PHF14: variants seen among roughly 807,000 people sequenced by gnomAD.
PHF14 encodes the protein PHD finger protein 14.
Under a neutral mutation model 117.9 loss-of-function variants are expected in PHF14, and 55 were observed. That is an observed-to-expected ratio of 0.47 (90% CI 0.38 to 0.58). The LOEUF is 0.58. Ranked by LOEUF, PHF14 falls within the 20% of genes least tolerant of loss-of-function variation. The probability of loss-of-function intolerance (pLI) is 0.00; values close to 1 mark genes in which losing one functional copy is unlikely to be tolerated. For synonymous variants in PHF14, 409 were observed against 368.6 expected (o/e 1.11, Z -1.26); for missense variants, 978 against 1,122.2 (o/e 0.87, Z 1.84).
In PHF14 at chr7:10,982,815, C is replaced by T; in HGVS notation, c.556C>T (p.Arg186Ter). 6.2e-7 allele frequency: 1 copy of T among 1,613,878 alleles called. No individual in the cohort carries two copies. Among genetic ancestry groups the T allele is most frequent in the Non-Finnish European group, 8.5e-7 (1 of 1,179,872 alleles). The change falls in exon 3 of 18, where the codon CGA becomes TGA. Residue 186 changes from arginine (R) to a stop codon, truncating the protein, a stop_gained. Transcript: ENST00000634607. LOFTEE classifies it high-confidence loss of function. Reference sequence around the variant, plus strand: ...CAGCGAGCCAAAAAAATGGAACCTTCGACGAAACCGACCACTTCTGGATTT... The same window carrying T: ...CAGCGAGCCAAAAAAATGGAACCTTTGACGAAACCGACCACTTCTGGATTT... ...QVSEPKKWNL[R>*]RNRPLLDFVS...
At chr7:11,034,539 A>ATTTTTTTTTTTTTT (rs56043099) in intron 7 of PHF14, among the ~76,000 whole-genome samples, 3 of 63,056 alleles carry the variant, frequency 4.8e-5, no homozygotes, top group African/African-American at 6.3e-5. Flanking sequence ...TCTTAATTCT[A>ATTTTTTTTTTTTTT]TTTTTTTTTT....
At chr7:11,106,822 T>G in intron 16 of PHF14, 9 of 984,604 alleles carry the variant, frequency 9.1e-6, no homozygotes, top group Non-Finnish European at 1.1e-5. Context: ...GATATTTAGT[T>G]TTTTTTAAGT....
intron 14 of PHF14, among the ~76,000 whole-genome samples, chr7:11,057,531 C>T (rs753853081): frequency 6.6e-6 from 1 of 152,016 alleles, no homozygotes; most frequent in Non-Finnish European, 1.5e-5. Context: ...TGCACCACCA[C>T]GTCCGGCTGA....
chr7:11,025,255 T>C (rs1357161755), intron 6 of PHF14, among the ~76,000 whole-genome samples: 1 of 152,162 alleles, frequency 6.6e-6, no homozygotes, highest in East Asian at 1.9e-4. Flanking sequence ...GTGAAGAAAG[T>C]GGTTTCTCGA....
intron 16 of PHF14, chr7:11,102,403 G>T: frequency 6.8e-7 from 1 of 1,470,972 alleles, no homozygotes; most frequent in Non-Finnish European, 9.4e-7. Context: ...ACTGTGGTTT[G>T]TTAGTATGTT....
intron 4 of PHF14, among the ~76,000 whole-genome samples, chr7:11,005,259 A>G (rs963218394): frequency 2.0e-5 from 3 of 152,334 alleles, no homozygotes; most frequent in South Asian, 4.1e-4. Flanking sequence ...AGGCTGCAAG[A>G]TGGAAATTTG....
At chr7:11,070,504 A>G (rs1785580145) in intron 16 of PHF14, among the ~76,000 whole-genome samples, 1 of 152,184 alleles carries the variant, frequency 6.6e-6, no homozygotes, top group South Asian at 2.1e-4. Flanking sequence ...AACTATTTGC[A>G]TAGGACTTTC....
At chr7:11,110,732 G>A (rs890602504) in intron 16 of PHF14, among the ~76,000 whole-genome samples, 8 of 151,946 alleles carry the variant, frequency 5.3e-5, no homozygotes, top group Non-Finnish European at 8.8e-5. Flanking sequence ...ATATTTAAAT[G>A]TTCTGTTTTT....
At chr7:11,085,988 C>T (rs937878372) in intron 16 of PHF14, among the ~76,000 whole-genome samples, 1 of 152,110 alleles carries the variant, frequency 6.6e-6, no homozygotes, top group African/African-American at 2.4e-5. Context: ...TGTCTAGTTA[C>T]ATAATCTTTG....
At chr7:11,108,663 T>G (rs1787346967) in intron 16 of PHF14, 1 of 151,802 alleles carries the variant, frequency 6.6e-6, no homozygotes, top group Non-Finnish European at 1.5e-5. Context: ...AATCTTTCTC[T>G]TCCTCTTTTC....
At chr7:11,054,165 A>T (rs1784940160) in intron 14 of PHF14, among the ~76,000 whole-genome samples, 1 of 151,876 alleles carries the variant, frequency 6.6e-6, no homozygotes, top group Non-Finnish European at 1.5e-5. Flanking sequence ...TTTGGAAATG[A>T]TGCTCCGGAG....
At chr7:11,051,386 C>T (rs1562440984) in intron 13 of PHF14, among the ~76,000 whole-genome samples, 1 of 152,026 alleles carries the variant, frequency 6.6e-6, no homozygotes, top group Admixed American at 6.6e-5. Flanking sequence ...TAAATGTGTT[C>T]TTATACTTAC....
intron 17 of PHF14, among the ~76,000 whole-genome samples, chr7:11,155,333 A>G (rs1788810292): frequency 6.6e-6 from 1 of 152,170 alleles, no homozygotes; most frequent in Admixed American, 6.5e-5. Flanking sequence ...CCACTACACA[A>G]TTGCATAGAA....
intron 17 of PHF14, among the ~76,000 whole-genome samples, chr7:11,138,702 A>G (rs772285050): frequency 6.6e-6 from 1 of 152,230 alleles, no homozygotes; most frequent in Non-Finnish European, 1.5e-5. Flanking sequence ...TTAAAGAGAA[A>G]AGAGATCGTG....
rs1783493751 is a variant in PHF14 at position 11,015,206 on chromosome 7, CT to C, written c.1205+1303del. ...AGGCTTTTAAATTTAATAAATTTTA[CT>C]TTAGTAAAGTAAAACAAATTTTCTC... On this transcript the variant is annotated intron_variant, in intron 5 of 17. Coordinates refer to ENST00000634607, the MANE Select transcript of PHF14 (RefSeq NM_001007157.2). 5 of 151,986 alleles carry C rather than the reference CT, an allele frequency of 3.3e-5. No individual in the cohort carries two copies. The South Asian group carries it at 1.0e-3, about 32-fold the overall frequency. 9.4% of individuals were successfully genotyped at this position (151,986 alleles called of 1,614,324 possible).
At chr7:11,141,113 G>A (rs10252209) in intron 17 of PHF14, among the ~76,000 whole-genome samples, 5,529 of 152,056 alleles carry the variant, frequency 0.036, 337 homozygotes, top group African/African-American at 0.13. Context: ...TCCTCATCAG[G>A]GAATGAATTG....
intron 4 of PHF14, among the ~76,000 whole-genome samples, chr7:11,007,741 A>G (rs1783176442): frequency 6.6e-6 from 1 of 152,208 alleles, no homozygotes; most frequent in South Asian, 2.1e-4. Flanking sequence ...AATTGTCCTC[A>G]TATCCAGACA....
intron 14 of PHF14, among the ~76,000 whole-genome samples, chr7:11,059,975 A>G (rs1397678606): frequency 2.0e-5 from 3 of 152,044 alleles, no homozygotes. Flanking sequence ...GGCTCAAGTT[A>G]TCTTCCCACC....
chr7:11,154,272 A>ATGTG (rs543261785), intron 17 of PHF14, among the ~76,000 whole-genome samples: 1 of 151,564 alleles, frequency 6.6e-6, no homozygotes, highest in South Asian at 2.1e-4. Flanking sequence ...CCACTTGAGT[A>ATGTG]TGTGTGTGTG....
Sources: gnomAD v4.1 joint callset for allele counts (sites outside exome capture counted in the v4.1 genomes callset) on GRCh38, gnomAD v4.1.1 for gene constraint, MANE v1.5 for transcripts, NCBI Gene and HGNC (gene_info 2026-07-23, HGNC 2026-07-21) for gene names.